MYOM2: variants seen among roughly 807,000 people sequenced by gnomAD.
MYOM2 encodes myomesin-2.
A neutral mutation model predicts 187.6 loss-of-function variants in MYOM2; 254 were observed. The observed-to-expected ratio is 1.35, with a 90% CI of 1.22 to 1.50. MYOM2 has a LOEUF of 1.50. MYOM2 is among the 40% of genes most tolerant of loss of function. The pLI, the probability that MYOM2 is intolerant of heterozygous loss-of-function variation, is 0.00. For missense variants in MYOM2, 2,796 were observed against 1,924.0 expected, an observed-to-expected ratio of 1.45 and a Z score of -8.48; for synonymous variants, 981 against 753.8, an observed-to-expected ratio of 1.30 and a Z score of -4.94.
chr8:2,081,583 A>G (rs978716442), intron 13 of MYOM2, among the ~76,000 whole-genome samples: 5 of 152,220 alleles, frequency 3.3e-5, no homozygotes, highest in African/African-American at 4.8e-5. Context: ...AACTTGCTTT[A>G]TAAATGTCAC....
intron 6 of MYOM2, among the ~76,000 whole-genome samples, chr8:2,062,605 G>A (rs915217488): frequency 6.6e-6 from 1 of 152,192 alleles, no homozygotes; most frequent in African/African-American, 2.4e-5. Context: ...CCCTCTCCAA[G>A]TTTTTCAGAG....
In MYOM2 at chr8:2,123,276, G is replaced by A. The variant is rs189943831; in HGVS notation, c.3478G>A (p.Val1160Ile). ...GGTTGCAAACACCAAGAAAGAAACC[G>A]TTTTCAAATGGCTCAAGGATGATGT... is the stretch of plus-strand genomic sequence containing the variant. ...CKVANTKKET[V>I]FKWLKDDVLY... is the part of the protein sequence containing the mutation. Residue 1160 changes from valine (V) to isoleucine (I), a missense_variant, in exon 29 of 37, where the codon GTT (valine) becomes ATT (isoleucine). Coordinates refer to ENST00000262113, the MANE Select transcript of MYOM2 (RefSeq NM_003970.4). The A allele has an allele frequency of 2.7e-5, 44 of 1,613,018 alleles. No homozygotes were observed. Among genetic ancestry groups the A allele is most frequent in the East Asian group, 2.0e-4 (9 of 44,846 alleles).
chr8:2,129,892 G>A (rs975281587), intron 32 of MYOM2, among the ~76,000 whole-genome samples: 1 of 152,138 alleles, frequency 6.6e-6, no homozygotes, highest in Non-Finnish European at 1.5e-5. Context: ...AACAGGACTC[G>A]CATCAGGGTC....
At chr8:2,120,852 T>G (rs886920073) in intron 28 of MYOM2, among the ~76,000 whole-genome samples, 1 of 150,274 alleles carries the variant, frequency 6.7e-6, no homozygotes, top group Non-Finnish European at 1.5e-5. Flanking sequence ...TTTGATTTGA[T>G]AGGTTCGATA....
chr8:2,096,165 C>G (rs1256538137), intron 17 of MYOM2, 82 bp from the exon 18 acceptor site: 2 of 1,411,580 alleles, frequency 1.4e-6, no homozygotes, highest in Non-Finnish European at 9.8e-7. Context: ...CCTCCTCCCT[C>G]TGCCACACTG....
rs1796976463 is a variant in MYOM2 at position 2,108,819 on chromosome 8, TAAAG to T, written c.3035_3038del (p.Lys1012ThrfsTer6). On this transcript the variant is annotated frameshift_variant, in exon 24 of 37. Transcript: ENST00000262113. LOFTEE classifies it high-confidence loss of function. ...CGTTTGATGGCATTGAGCAATGAAA[TAAAG>T]AACCCCAGTAAGTAAGCCTCCAGCC... The T allele has an allele frequency of 2.5e-6, 4 of 1,613,792 alleles. No individual in the cohort carries two copies. Among genetic ancestry groups the T allele is most frequent in the East Asian group, 2.2e-5 (1 of 44,862 alleles).
chr8:2,144,905 A>G lies in MYOM2; in HGVS notation c.4322A>G (p.Lys1441Arg). ...GTGAGCGTGTACAAACACGGGGAGA[A>G]GATCCCGGACATGGCCCCGCCCCAG... ...VTVSVYKHGE[K>R]IPDMAPPQQA... Residue 1441 changes from lysine (K) to arginine (R), a missense_variant, in exon 37 of 37, where the codon AAG (lysine) becomes AGG (arginine). Transcript: ENST00000262113. 6.2e-7 allele frequency: 1 copy of G among 1,614,178 alleles called. No homozygotes were observed. Among genetic ancestry groups the G allele is most frequent in the Middle Eastern group, 1.7e-4 (1 of 6,060 alleles).
At position 2,052,152 on chromosome 8, in the gene MYOM2, C is replaced by G. The variant is rs1250818614; in HGVS notation, c.108-6C>G. ...GCATCTCCTAATCGTGTCCATGTTC[C>G]TGAAGGCGAGCTTCCACCCAGGCAT... On this transcript the variant is annotated splice_polypyrimidine_tract_variant and splice_region_variant and intron_variant, in intron 2 of 36. Transcript: ENST00000262113. 5 of 1,612,982 alleles carry G rather than the reference C, an allele frequency of 3.1e-6. No individual in the cohort carries two copies. In the Admixed American group the frequency reaches 8.4e-5, roughly 27 times the overall value.
chr8:2,102,678 G>A lies in MYOM2; in HGVS notation c.2631G>A (p.Leu877=), dbSNP rs758137851. Residue 877 remains leucine, a synonymous_variant, in exon 21 of 37, where the codon CTG becomes CTA. Coordinates refer to ENST00000262113, the MANE Select transcript of MYOM2 (RefSeq NM_003970.4). ...TCTGTTGTTTCAAGGTCTCTGACCT[G>A]CAGCAAGGTAAGACCTATGTCTTCA... ...TASRYLKVSD[L]QQGKTYVFRV... The A allele has an allele frequency of 1.2e-6, 2 of 1,610,328 alleles. No individual in the cohort carries two copies. The highest frequency in any genetic ancestry group is 1.7e-6 in the Non-Finnish European group (2 of 1,176,798).
intron 2 of MYOM2, 56 bp from the exon 3 acceptor site, chr8:2,052,102 A>G (rs1818509792): frequency 1.9e-6 from 3 of 1,603,578 alleles, no homozygotes; most frequent in Admixed American, 1.7e-5. Flanking sequence ...GTGTCAGGAT[A>G]AATTTCCATA....
chr8:2,084,738 A>G (rs1308814646), intron 13 of MYOM2, among the ~76,000 whole-genome samples: 6 of 152,236 alleles, frequency 3.9e-5, no homozygotes, highest in African/African-American at 1.2e-4. Flanking sequence ...AGTGCCTGTG[A>G]ATATGGTACT....
chr8:2,074,248 C>T (rs1334244840), intron 10 of MYOM2, among the ~76,000 whole-genome samples: 1 of 152,184 alleles, frequency 6.6e-6, no homozygotes, highest in Non-Finnish European at 1.5e-5. Context: ...AGCTGGAATT[C>T]TTACAGTGAT....
chr8:2,086,639 C>T (rs942730260), intron 14 of MYOM2, among the ~76,000 whole-genome samples: 17 of 152,238 alleles, frequency 1.1e-4, no homozygotes, highest in African/African-American at 3.9e-4. Context: ...GCAGCAGGGG[C>T]GGAAATTGGC....
At chr8:2,064,932 G>T (rs1474689026) in intron 6 of MYOM2, among the ~76,000 whole-genome samples, 1 of 152,250 alleles carries the variant, frequency 6.6e-6, no homozygotes, top group African/African-American at 2.4e-5. Flanking sequence ...CTTAGAAATT[G>T]TGTTGCTTTA....
chr8:2,091,478 G>C (rs572610566), intron 15 of MYOM2, among the ~76,000 whole-genome samples: 1 of 152,170 alleles, frequency 6.6e-6, no homozygotes, highest in Non-Finnish European at 1.5e-5. Flanking sequence ...GCATGTAAGC[G>C]GAGGCACCCT....
At chr8:2,142,454 T>C in intron 35 of MYOM2, 57 bp downstream of exon 35, 23 of 1,585,438 alleles carry the variant, frequency 1.5e-5, no homozygotes, top group Non-Finnish European at 2.0e-5. Context: ...GGGGCAAAAG[T>C]GTCCATATTT....
chr8:2,053,527 C>T (rs1260070264), intron 3 of MYOM2, among the ~76,000 whole-genome samples: 1 of 152,148 alleles, frequency 6.6e-6, no homozygotes, highest in African/African-American at 2.4e-5. Context: ...GCTCAATTTC[C>T]CTGCTGGTAA....
Position 2,045,170 on chromosome 8 carries a change from T to C in MYOM2, c.-13+2T>C, listed in dbSNP as rs1056448989. ...CTTGCAATTTTCCTTTCTGTCTGGG[T>C]AAGTGTCTTTCTCTTCTTGCCTTTT... On this transcript the variant is annotated splice_donor_variant, in intron 1 of 36. Transcript: ENST00000262113. LOFTEE classifies it low-confidence loss of function (5UTR_SPLICE). 3 of 152,330 alleles carry C rather than the reference T, an allele frequency of 2.0e-5. No individual in the cohort carries two copies. The highest frequency in any genetic ancestry group is 2.9e-5 in the Non-Finnish European group (2 of 68,082). The allele number at this position is 152,330 out of a possible 1,614,324, so 9.4% of individuals were successfully genotyped here.
chr8:2,098,405 A>G (rs1796569050), intron 18 of MYOM2, among the ~76,000 whole-genome samples: 1 of 152,080 alleles, frequency 6.6e-6, no homozygotes, highest in African/African-American at 2.4e-5. Flanking sequence ...GAGTCCAAGT[A>G]TGGGGGACGT....
Sources: allele counts gnomAD v4.1 joint callset (sites outside exome capture counted in the v4.1 genomes callset), GRCh38; gene constraint gnomAD v4.1.1; transcripts MANE v1.5; gene names NCBI Gene and HGNC (gene_info 2026-07-23, HGNC 2026-07-21).